Variants in CPA1 observed in about 807,000 individuals in gnomAD.
CPA1 encodes carboxypeptidase A1 (pancreatic).
Under a neutral mutation model 48.7 loss-of-function variants are expected in CPA1, and 42 were observed. That is an observed-to-expected ratio of 0.86 (90% CI 0.67 to 1.11). The LOEUF is 1.11. Among genes scored for constraint, CPA1 ranks in the 50% most tolerant of loss-of-function variants. The pLI is 0.00. For synonymous variants in CPA1, 203 were observed against 217.9 expected, an observed-to-expected ratio of 0.93 and a Z score of 0.60; for missense variants, 477 against 544.7, an observed-to-expected ratio of 0.88 and a Z score of 1.24.
chr7:130,384,824 TG>T (rs1796452481), intron 7 of CPA1, 198 bp downstream of exon 7: 1 of 615,992 alleles, frequency 1.6e-6, no homozygotes, highest in African/African-American at 1.8e-5. Context: ...GCAAGTTGCT[TG>T]CAAATGGGCT....
In CPA1 at chr7:130,381,780, G is replaced by A. The variant is rs900864227; in HGVS notation, c.298G>A (p.Glu100Lys). Residue 100 changes from glutamate (E) to lysine (K), a missense_variant, in exon 3 of 10, where the codon GAG (glutamate) becomes AAG (lysine). Coordinates refer to ENST00000011292, the MANE Select transcript of CPA1 (RefSeq NM_001868.4). The stretch of plus-strand genomic sequence containing the variant: ...GGACGTGCAGTCGCTGCTGGACGAG[G>A]AGCAGGAGCAGATGTTCGCCTTCCG... ...IEDVQSLLDEEQEQMFAFRSR... is the reference protein window; with the variant it reads ...IEDVQSLLDEKQEQMFAFRSR... The A allele has an allele frequency of 1.2e-6, 2 of 1,614,170 alleles. No individual in the cohort carries two copies. Among genetic ancestry groups the A allele is most frequent in the East Asian group, 2.2e-5 (1 of 44,874 alleles).
chr7:130,384,003 G>A (rs1796440846), intron 6 of CPA1: 1 of 590,006 alleles, frequency 1.7e-6, no homozygotes, highest in Non-Finnish European at 3.1e-6. Flanking sequence ...CATCCACGGT[G>A]TTTCTAGCAT....
At chr7:130,383,568 C>A in intron 5 of CPA1, 76 bp downstream of exon 5, 2 of 1,446,842 alleles carry the variant, frequency 1.4e-6, no homozygotes, top group Non-Finnish European at 1.9e-6. Flanking sequence ...CCCGGGCCTC[C>A]CTTTGCCCAT....
Position 130,382,033 on chromosome 7 carries a change from C to T in CPA1, c.382-75C>T, listed in dbSNP as rs1200004015. On this transcript the variant is annotated intron_variant, in intron 3 of 9. Transcript: ENST00000011292. ...TTGCAGGGCTCGCAGCAGGCTGGGA[C>T]GGTGGGGCTGCTAAGGGAAGCATCT... is the stretch of plus-strand genomic sequence containing the variant. 1.6e-5 allele frequency: 21 copies of T among 1,319,284 alleles called. No individual in the cohort carries two copies. In the African/African-American group the frequency reaches 1.7e-4, roughly 11 times the overall value. 81.7% of individuals were successfully genotyped at this position (1,319,284 alleles called of 1,614,324 possible).
Position 130,381,671 on chromosome 7 carries a change from C to T in CPA1, c.189C>T (p.Ile63=). 1 of 1,614,026 alleles carries T rather than the reference C, an allele frequency of 6.2e-7. No homozygotes were observed. The highest frequency in any genetic ancestry group is 8.5e-7 in the Non-Finnish European group (1 of 1,179,990). ...GGCCTGCCCACCCTGGCTCCCCCAT[C>T]GACGTCCGAGTGCCCTTCCCCAGCA... ...WRGPAHPGSP[I]DVRVPFPSIQ... is the part of the protein sequence containing the mutation. The change falls in exon 3 of 10, where the codon ATC becomes ATT. Residue 63 remains isoleucine (I), a synonymous_variant. Transcript: ENST00000011292.
chr7:130,381,895 G>A (rs781788622), intron 3 of CPA1, 32 bp downstream of exon 3: 1 of 1,588,050 alleles, frequency 6.3e-7, no homozygotes, highest in South Asian at 1.1e-5. Context: ...GCTCCCTGCA[G>A]CCACCAGCTC....
rs992726475 is a variant in CPA1, at chr7:130,381,631, T to G, written c.149T>G (p.Leu50Arg). 1 of 1,612,844 alleles carries G rather than the reference T, an allele frequency of 6.2e-7. No individual in the cohort carries two copies. The highest frequency in any genetic ancestry group is 2.2e-5 in the East Asian group (1 of 44,866). ...CGTGCCGGCTCTTGTCCTCCCCAGC[T>G]GGACTTCTGGCGGGGGCCTGCCCAC... Reference protein sequence around the residue: ...KELEDLEHLQLDFWRGPAHPG... With the variant: ...KELEDLEHLQRDFWRGPAHPG... Residue 50 changes from leucine to arginine, a missense_variant and splice_region_variant, in exon 3 of 10, where the codon CTG becomes CGG. By Grantham distance (102) the Leu-to-Arg change is moderately radical (BLOSUM62 -2). Transcript: ENST00000011292.
At chr7:130,380,964 G>A in intron 1 of CPA1, 134 bp from the exon 2 acceptor site, 1 of 727,982 alleles carries the variant, frequency 1.4e-6, no homozygotes, top group South Asian at 1.6e-5. Flanking sequence ...CCTTGGTGCT[G>A]TCCCCTGCCC....
Position 130,387,900 on chromosome 7 carries a change from C to T in CPA1, c.1149C>T (p.Asp383=). ...IKYSFTFELR[D]TGRYGFLLPA... Reference sequence around the variant, plus strand: ...ACTCCTTCACCTTCGAGCTCCGGGACACTGGGCGCTATGGCTTCCTGCTGC... The same window carrying T: ...ACTCCTTCACCTTCGAGCTCCGGGATACTGGGCGCTATGGCTTCCTGCTGC... The change falls in exon 10 of 10, where the codon GAC becomes GAT. Residue 383 remains aspartate (D), a synonymous_variant. Coordinates refer to ENST00000011292, the MANE Select transcript of CPA1 (RefSeq NM_001868.4). This position sits in a 1 kb window ranked among gnomAD's most constrained non-coding sequence, Gnocchi z 4.6. The T allele has an allele frequency of 6.2e-7, 1 of 1,614,186 alleles. No homozygotes were observed. Among genetic ancestry groups the T allele is most frequent in the Non-Finnish European group, 8.5e-7 (1 of 1,180,038 alleles).
chr7:130,383,605 G>C, intron 5 of CPA1, 79 bp from the exon 6 acceptor site: 6 of 1,414,932 alleles, frequency 4.2e-6, no homozygotes, highest in Non-Finnish European at 6.0e-6. Context: ...CAGAGGACAT[G>C]GGGAAAGGTG....
Position 130,385,826 on chromosome 7 carries a change from G to C in CPA1, c.988-13G>C. On this transcript the variant is annotated splice_polypyrimidine_tract_variant and intron_variant, in intron 8 of 9. Coordinates refer to ENST00000011292, the MANE Select transcript of CPA1 (RefSeq NM_001868.4). ...TGGCCATGACAGGTGGCTTTGCTTG[G>C]TGTTTTGTCCAGGATCAGCTTTCCA... 6.2e-7 allele frequency: 1 copy of C among 1,612,262 alleles called. No individual in the cohort carries two copies. Among genetic ancestry groups the C allele is most frequent in the Non-Finnish European group, 8.5e-7 (1 of 1,178,758 alleles).
At chr7:130,384,162 T>G in intron 6 of CPA1, 1 of 429,744 alleles carries the variant, frequency 2.3e-6, no homozygotes, top group Non-Finnish European at 4.2e-6. Context: ...TTCCTGGTCC[T>G]ACTTCTATTT....
chr7:130,382,706 G>A (rs1208489868), intron 4 of CPA1, among the ~76,000 whole-genome samples: 2 of 141,440 alleles, frequency 1.4e-5, no homozygotes, highest in African/African-American at 2.7e-5. Context: ...GCGCAGTAGC[G>A]TCATCTCGGC....
chr7:130,385,477 G>A (rs2117506372), intron 8 of CPA1, 132 bp downstream of exon 8: 1 of 821,330 alleles, frequency 1.2e-6, no homozygotes, highest in East Asian at 2.6e-5. Flanking sequence ...CTGATGGCTT[G>A]GGAAGACCAG....
chr7:130,383,919 A>G (rs1796439250), intron 6 of CPA1, 125 bp downstream of exon 6: 3 of 748,146 alleles, frequency 4.0e-6, no homozygotes, highest in Non-Finnish European at 7.2e-6. Context: ...CTGTGCTCCT[A>G]GCCGAGGGTG....
chr7:130,380,689 G>C (rs1554411048), intron 1 of CPA1, 104 bp downstream of exon 1: 2 of 676,958 alleles, frequency 3.0e-6, no homozygotes, highest in Non-Finnish European at 4.5e-6. Context: ...AACACAGCCA[G>C]AGAGGATGGC....
chr7:130,384,807 G>A, intron 7 of CPA1, 181 bp downstream of exon 7: 1 of 624,576 alleles, frequency 1.6e-6, no homozygotes, highest in Non-Finnish European at 2.8e-6. Flanking sequence ...TTACTCGCCT[G>A]CAAAAGGCAA....
chr7:130,385,844 G>A lies in CPA1; in HGVS notation c.993G>A (p.Gln331=). The A allele has an allele frequency of 6.2e-7, 1 of 1,613,862 alleles. No homozygotes were observed. Among genetic ancestry groups the A allele is most frequent in the Non-Finnish European group, 8.5e-7 (1 of 1,179,900 alleles). The change falls in exon 9 of 10, where the codon CAG becomes CAA. Residue 331 remains glutamine, a synonymous_variant. Transcript: ENST00000011292. ...TTGCTTGGTGTTTTGTCCAGGATCA[G>A]CTTTCCAAGGCTGCTGTGACAGCCC... ...EPVPDQDELD[Q]LSKAAVTALA... is the part of the protein sequence containing the mutation.
rs965614266 is a variant in CPA1, at chr7:130,381,176, G to C, written c.144G>C (p.Leu48=). Residue 48 remains leucine (L), a synonymous_variant, in exon 2 of 10, where the codon CTG becomes CTC. Coordinates refer to ENST00000011292, the MANE Select transcript of CPA1 (RefSeq NM_001868.4). ...AGGAGCTGGAGGACCTGGAGCACCTGCAGGTCAGAAGAGGGGAGAAGGGCT... is the reference window on the plus strand; with the variant it reads ...AGGAGCTGGAGGACCTGGAGCACCTCCAGGTCAGAAGAGGGGAGAAGGGCT... The part of the protein sequence containing the change: ...KVKELEDLEH[L]QLDFWRGPAH... 6 of 1,611,238 alleles carry C rather than the reference G, an allele frequency of 3.7e-6. No individual in the cohort carries two copies. Among genetic ancestry groups the C allele is most frequent in the Non-Finnish European group, 5.1e-6 (6 of 1,178,254 alleles).
Sources: gnomAD v4.1 joint callset for allele counts (sites outside exome capture counted in the v4.1 genomes callset) on GRCh38, gnomAD v4.1.1 for gene constraint, Gnocchi (gnomAD v3.1) non-coding constraint, MANE v1.5 for transcripts, NCBI Gene and HGNC (gene_info 2026-07-23, HGNC 2026-07-21) for gene names.